Variants in ATP8A2 observed in about 807,000 individuals in gnomAD.
ATP8A2 encodes phospholipid-transporting ATPase IB.
A neutral mutation model predicts 165.6 loss-of-function variants in ATP8A2; 100 were observed. The observed-to-expected ratio is 0.60, with a 90% CI of 0.51 to 0.71. ATP8A2 has a LOEUF of 0.71. ATP8A2 is among the 30% of genes least tolerant of loss of function. The probability of loss-of-function intolerance (pLI) is 0.00; values close to 1 mark genes in which losing one functional copy is unlikely to be tolerated. For synonymous variants in ATP8A2, 543 were observed against 548.8 expected, an observed-to-expected ratio of 0.99 and a Z score of 0.15; for missense variants, 1,227 against 1,479.5, an observed-to-expected ratio of 0.83 and a Z score of 2.80.
intron 33 of ATP8A2, among the ~76,000 whole-genome samples, chr13:25,887,120 G>GA (rs1953183331): frequency 6.6e-6 from 1 of 152,190 alleles, no homozygotes; most frequent in Non-Finnish European, 1.5e-5. Context: ...AACAGAGGAT[G>GA]AGTAAGAAAT....
chr13:25,395,813 A>G (rs2033402334), intron 1 of ATP8A2, among the ~76,000 whole-genome samples: 1 of 151,366 alleles, frequency 6.6e-6, no homozygotes, highest in Non-Finnish European at 1.5e-5. Context: ...CTAGAATTAC[A>G]GGCACGAGCC....
chr13:25,707,485 G>A (rs1398583860), intron 25 of ATP8A2, among the ~76,000 whole-genome samples: 2 of 152,114 alleles, frequency 1.3e-5, no homozygotes, highest in Non-Finnish European at 2.9e-5. Flanking sequence ...CTTATGTCCT[G>A]GACTAATAAA....
chr13:25,571,392 T>C (rs1282799168), intron 17 of ATP8A2, among the ~76,000 whole-genome samples: 2 of 152,224 alleles, frequency 1.3e-5, no homozygotes, highest in Admixed American at 1.3e-4. Context: ...TCCTGGTGAA[T>C]TAGCATATAT....
intron 13 of ATP8A2, 53 bp downstream of exon 13, chr13:25,555,121 T>C (rs2038943250): frequency 2.3e-6 from 3 of 1,307,178 alleles, no homozygotes; most frequent in Non-Finnish European, 2.2e-6. Flanking sequence ...TGAGGGAAAA[T>C]GAGTGTTAGC....
At chr13:25,621,382 A>G (rs182185363) in intron 24 of ATP8A2, among the ~76,000 whole-genome samples, 1 of 151,896 alleles carries the variant, frequency 6.6e-6, no homozygotes, top group South Asian at 2.1e-4. Flanking sequence ...TAATCTTTTC[A>G]TTTTTCTCTT....
intron 15 of ATP8A2, among the ~76,000 whole-genome samples, 165 bp downstream of exon 15, chr13:25,559,930 T>A (rs1238531599): frequency 1.3e-5 from 2 of 152,134 alleles, no homozygotes; most frequent in Non-Finnish European, 2.9e-5. Context: ...TGGATTCAAG[T>A]GATCCTCCTG....
At chr13:25,424,244 C>T (rs7985867) in intron 1 of ATP8A2, among the ~76,000 whole-genome samples, 63,494 of 152,026 alleles carry the variant, frequency 0.42, 14,300 homozygotes, top group East Asian at 0.59. Context: ...ATGTGTTGAC[C>T]GAAGATAATG....
intron 24 of ATP8A2, among the ~76,000 whole-genome samples, chr13:25,629,190 T>C (rs796541100): frequency 3.5e-4 from 54 of 152,304 alleles, no homozygotes; most frequent in African/African-American, 1.2e-3. Flanking sequence ...ACAGAACACA[T>C]GGGCAGTCTC....
rs3221410 is a variant in ATP8A2, at chr13:25,902,939, GCACACACACACACA to G, written c.3183+40551_3183+40564del. Among the ~76,000 whole-genome samples, 69 of 140,442 alleles carry G rather than the reference GCACACACACACACA, an allele frequency of 4.9e-4. 1 individual carries two copies. Among genetic ancestry groups the G allele is most frequent in the Non-Finnish European group, 8.8e-4 (57 of 64,994 alleles). 92.1% of individuals were successfully genotyped at this position (140,442 alleles called of 152,430 possible). On this transcript the variant is annotated intron_variant, in intron 33 of 36. Coordinates refer to ENST00000381655, the MANE Select transcript of ATP8A2 (RefSeq NM_016529.6). ...AACTGACTTTATACATCCTCAGCAT[GCACACACACACACA>G]CACACACACACACACACACGTAAAT... is the stretch of plus-strand genomic sequence containing the variant.
At chr13:25,553,727 A>G in intron 11 of ATP8A2, 66 bp from the exon 12 acceptor site, 1 of 1,499,952 alleles carries the variant, frequency 6.7e-7, no homozygotes. Context: ...TTTAACATGA[A>G]TCTCTAAATG....
At chr13:25,497,467 G>T (rs2036712704) in intron 2 of ATP8A2, among the ~76,000 whole-genome samples, 1 of 152,136 alleles carries the variant, frequency 6.6e-6, no homozygotes, top group South Asian at 2.1e-4. Flanking sequence ...TACTTTTTCA[G>T]ATTTCAGGGG....
intron 23 of ATP8A2, among the ~76,000 whole-genome samples, chr13:25,587,176 C>T (rs1298772181): frequency 6.6e-6 from 1 of 152,054 alleles, no homozygotes; most frequent in Non-Finnish European, 1.5e-5. Flanking sequence ...CATTAGAAAT[C>T]AAGCACACCA....
intron 27 of ATP8A2, among the ~76,000 whole-genome samples, chr13:25,804,106 A>G (rs1950677862): frequency 6.6e-6 from 1 of 152,182 alleles, no homozygotes; most frequent in Non-Finnish European, 1.5e-5. Flanking sequence ...TATGCATATC[A>G]TATATTGTAT....
intron 24 of ATP8A2, among the ~76,000 whole-genome samples, chr13:25,604,194 T>A (rs1385908931): frequency 6.6e-6 from 1 of 152,124 alleles, no homozygotes; most frequent in African/African-American, 2.4e-5. Flanking sequence ...GGTTTGGCAT[T>A]TTGGAAACCA....
intron 29 of ATP8A2, among the ~76,000 whole-genome samples, chr13:25,838,207 C>T (rs1338493726): frequency 2.0e-5 from 3 of 152,198 alleles, no homozygotes; most frequent in Non-Finnish European, 4.4e-5. Flanking sequence ...AGGGAGTCAC[C>T]TCTCCAGGCC....
At chr13:25,451,676 G>A (rs2035228504) in intron 1 of ATP8A2, among the ~76,000 whole-genome samples, 1 of 152,046 alleles carries the variant, frequency 6.6e-6, no homozygotes, top group African/African-American at 2.4e-5. Flanking sequence ...AGTACAGGTT[G>A]AGGGAGTCAG....
chr13:25,882,526 T>G (rs563678404), intron 33 of ATP8A2, among the ~76,000 whole-genome samples: 1 of 152,340 alleles, frequency 6.6e-6, no homozygotes, highest in African/African-American at 2.4e-5. Flanking sequence ...TTATGTAGGT[T>G]AAGAACAACT....
chr13:25,512,322 T>C (rs2037256341), intron 2 of ATP8A2, among the ~76,000 whole-genome samples: 1 of 152,086 alleles, frequency 6.6e-6, no homozygotes, highest in Non-Finnish European at 1.5e-5. Context: ...CTCAATCTTT[T>C]CCCCACCTTT....
intron 35 of ATP8A2, among the ~76,000 whole-genome samples, chr13:25,995,499 C>G (rs1956479969): frequency 6.6e-6 from 1 of 151,560 alleles, no homozygotes; most frequent in Non-Finnish European, 1.5e-5. Flanking sequence ...AATGTATTTT[C>G]TTTTTCATTT....
Sources: allele counts gnomAD v4.1 joint callset (sites outside exome capture counted in the v4.1 genomes callset), GRCh38; gene constraint gnomAD v4.1.1; transcripts MANE v1.5; gene names NCBI Gene and HGNC (gene_info 2026-07-23, HGNC 2026-07-21).